Variants in SPOCK3 observed in about 807,000 individuals in gnomAD.
The protein encoded by SPOCK3 is SPARC (osteonectin), cwcv and kazal like domains proteoglycan 3.
SPOCK3 carries 30 observed loss-of-function variants against 56.6 expected under a neutral mutation model. The observed-to-expected ratio is 0.53, with a 90% CI of 0.40 to 0.72. The LOEUF (loss-of-function observed/expected upper bound fraction) is 0.72. SPOCK3 is among the 30% of genes least tolerant of loss of function. The probability of loss-of-function intolerance (pLI) is 0.00; values close to 1 mark genes in which losing one functional copy is unlikely to be tolerated. For missense variants in SPOCK3, 527 were observed against 530.0 expected (o/e 0.99, Z 0.06); for synonymous variants, 196 against 183.3 (o/e 1.07, Z -0.56).
rs1732681723 is a variant in SPOCK3, at chr4:167,193,773, C to T, written c.189+40212G>A. On this transcript the variant is annotated intron_variant, in intron 2 of 10. Transcript: ENST00000357545. ...GAGAGTTCTCTTATAGGTGACAAAC[C>T]ACTTCCCTCATGCTGCTTTTAATTT... Among the ~76,000 whole-genome samples, 3 of 145,286 alleles carry T rather than the reference C, an allele frequency of 2.1e-5. 1 individual carries two copies. The South Asian group carries it at 6.5e-4, about 31-fold the overall frequency.
intron 2 of SPOCK3, among the ~76,000 whole-genome samples, chr4:167,216,114 C>T (rs142105082): frequency 6.6e-6 from 1 of 152,120 alleles, no homozygotes; most frequent in African/African-American, 2.4e-5. Context: ...TGATGAACAG[C>T]CACCCTCCAA....
At chr4:167,025,615 GTCATTATCACCAAGAACT>G (rs1308919719) in intron 3 of SPOCK3, among the ~76,000 whole-genome samples, 4 of 151,978 alleles carry the variant, frequency 2.6e-5, no homozygotes, top group African/African-American at 9.7e-5. Context: ...TTTAGCAACT[GTCATTATCACCAAGAACT>G]TCAGACCAAG....
At chr4:166,910,770 C>T (rs1737179374) in intron 5 of SPOCK3, among the ~76,000 whole-genome samples, 1 of 152,132 alleles carries the variant, frequency 6.6e-6, no homozygotes, top group African/African-American at 2.4e-5. Context: ...ATCAGTACTT[C>T]TGGCACATAT....
intron 6 of SPOCK3, among the ~76,000 whole-genome samples, chr4:166,841,949 G>A (rs929820593): frequency 8.5e-5 from 13 of 152,218 alleles, no homozygotes; most frequent in East Asian, 5.8e-4. Flanking sequence ...TCTGATGTTC[G>A]GACATGTTTG....
intron 7 of SPOCK3, among the ~76,000 whole-genome samples, chr4:166,780,493 T>A (rs1256287709): frequency 1.3e-5 from 2 of 152,040 alleles, no homozygotes; most frequent in African/African-American, 4.8e-5. Context: ...TGAACTCCCA[T>A]CCACATCCAT....
At chr4:167,004,258 T>A (rs1749240641) in intron 3 of SPOCK3, among the ~76,000 whole-genome samples, 1 of 152,032 alleles carries the variant, frequency 6.6e-6, no homozygotes, top group African/African-American at 2.4e-5. Flanking sequence ...GAGCGACACC[T>A]TAGGTAAGTT....
intron 6 of SPOCK3, among the ~76,000 whole-genome samples, chr4:166,821,129 A>G (rs1325375508): frequency 1.3e-5 from 2 of 152,096 alleles, no homozygotes; most frequent in Admixed American, 1.3e-4. Flanking sequence ...CAGTTGAAAT[A>G]GAAAAATCAA....
chr4:167,207,473 T>C (rs1734463349), intron 2 of SPOCK3, among the ~76,000 whole-genome samples: 1 of 152,136 alleles, frequency 6.6e-6, no homozygotes, highest in Admixed American at 6.6e-5. Flanking sequence ...TGTCATGTAT[T>C]TGGTGTAAAA....
intron 2 of SPOCK3, among the ~76,000 whole-genome samples, chr4:167,129,144 A>G (rs1310091572): frequency 2.0e-5 from 3 of 152,212 alleles, no homozygotes; most frequent in Non-Finnish European, 4.4e-5. Context: ...TAAAAGCATA[A>G]TCAGCATCAC....
intron 2 of SPOCK3, among the ~76,000 whole-genome samples, chr4:167,143,982 A>G (rs576455804): frequency 2.0e-5 from 3 of 152,166 alleles, no homozygotes; most frequent in Admixed American, 6.6e-5. Flanking sequence ...TAATTTATTC[A>G]CATAACTAAT....
intron 7 of SPOCK3, among the ~76,000 whole-genome samples, chr4:166,755,721 T>C (rs1214946371): frequency 6.6e-6 from 1 of 152,138 alleles, no homozygotes; most frequent in African/African-American, 2.4e-5. Context: ...CAACAGGGTT[T>C]GAAGAGTAGT....
chr4:167,174,561 C>T (rs890410179), intron 2 of SPOCK3, among the ~76,000 whole-genome samples: 1 of 152,006 alleles, frequency 6.6e-6, no homozygotes, highest in East Asian at 1.9e-4. Flanking sequence ...TTTAAAGGAC[C>T]AGTCAGGTCA....
chr4:167,226,370 A>G (rs1204204500), intron 2 of SPOCK3, among the ~76,000 whole-genome samples: 1 of 152,102 alleles, frequency 6.6e-6, no homozygotes, highest in Non-Finnish European at 1.5e-5. Flanking sequence ...CATGTCCATC[A>G]TGGCTAAGAG....
intron 4 of SPOCK3, among the ~76,000 whole-genome samples, chr4:166,932,874 TA>T (rs895314685): frequency 2.6e-5 from 4 of 152,130 alleles, no homozygotes; most frequent in Admixed American, 2.0e-4. Context: ...ATCTAATTGA[TA>T]GGGGAAAGAT....
chr4:166,854,260 C>T lies in SPOCK3; in HGVS notation c.589+34870G>A, dbSNP rs2126883837. Among the ~76,000 whole-genome samples, 2 of 152,240 alleles carry T rather than the reference C, an allele frequency of 1.3e-5. 1 individual carries two copies. Among genetic ancestry groups the T allele is most frequent in the Middle Eastern group, 6.8e-3 (2 of 294 alleles). The stretch of plus-strand genomic sequence containing the variant: ...AGATTCTTGATGTGAGAGGAGGATT[C>T]TGATATTCATTTTGTTTTCCAACAG... On this transcript the variant is annotated intron_variant, in intron 6 of 10. Transcript: ENST00000357545.
chr4:166,826,541 G>A (rs1202877321), intron 6 of SPOCK3, among the ~76,000 whole-genome samples: 1 of 152,130 alleles, frequency 6.6e-6, no homozygotes, highest in African/African-American at 2.4e-5. Context: ...ATCATGTGGT[G>A]TGGCTAACAT....
chr4:167,179,206 C>G (rs374139091), intron 2 of SPOCK3, among the ~76,000 whole-genome samples: 1 of 152,082 alleles, frequency 6.6e-6, no homozygotes, highest in Non-Finnish European at 1.5e-5. Context: ...TCCATTGTTA[C>G]AAAACTGCAT....
intron 3 of SPOCK3, among the ~76,000 whole-genome samples, chr4:167,053,686 AAAAT>A (rs1310519012): frequency 1.3e-5 from 2 of 152,096 alleles, no homozygotes; most frequent in South Asian, 4.1e-4. Context: ...CTCCATCTCA[AAAAT>A]AAATAAATAA....
chr4:167,206,529 C>T (rs1012254461), intron 2 of SPOCK3, among the ~76,000 whole-genome samples: 3 of 151,926 alleles, frequency 2.0e-5, no homozygotes, highest in Non-Finnish European at 2.9e-5. Flanking sequence ...TTAAAAAGTT[C>T]ATCAGCAAGA....
Sources: allele counts gnomAD v4.1 joint callset (sites outside exome capture counted in the v4.1 genomes callset), GRCh38; gene constraint gnomAD v4.1.1; transcripts MANE v1.5; gene names NCBI Gene and HGNC (gene_info 2026-07-23, HGNC 2026-07-21).